PDE8A: variants seen among roughly 807,000 people sequenced by gnomAD.
PDE8A encodes the protein high affinity cAMP-specific and IBMX-insensitive 3',5'-cyclic phosphodiesterase 8A.
Under a neutral mutation model 105.0 loss-of-function variants are expected in PDE8A, and 59 were observed. The observed-to-expected ratio is 0.56, with a 90% CI of 0.46 to 0.70. The LOEUF (loss-of-function observed/expected upper bound fraction) is 0.70, where lower values mean the gene tolerates loss of function less well. Ranked by LOEUF, PDE8A falls within the 30% of genes least tolerant of loss-of-function variation. The pLI, the probability that PDE8A is intolerant of heterozygous loss-of-function variation, is 0.00. For synonymous variants in PDE8A, 355 were observed against 371.9 expected, an observed-to-expected ratio of 0.95 and a Z score of 0.52; for missense variants, 1,014 against 1,045.9, an observed-to-expected ratio of 0.97 and a Z score of 0.42.
At chr15:85,102,078 G>A (rs933052953) in intron 11 of PDE8A, among the ~76,000 whole-genome samples, 2 of 152,180 alleles carry the variant, frequency 1.3e-5, no homozygotes, top group East Asian at 1.9e-4. Context: ...TGGAAACCAG[G>A]GATGGTAAAG....
chr15:85,104,954 G>A (rs1405782063), intron 11 of PDE8A, among the ~76,000 whole-genome samples: 1 of 152,078 alleles, frequency 6.6e-6, no homozygotes, highest in African/African-American at 2.4e-5. Flanking sequence ...TGCAAGATAT[G>A]TTTCTATCTG....
Position 85,066,994 on chromosome 15 carries a change from T to TAAGAA in PDE8A, c.244-20_244-19insAAGAA. ...CTAACATCTTTTTTTAAAAAAAGTGTTTGTGCTCTTTTGATTCAGGTACTT... is the reference window on the plus strand; with the variant it reads ...CTAACATCTTTTTTTAAAAAAAGTGTAAGAATTGTGCTCTTTTGATTCAGGTACTT... On this transcript the variant is annotated intron_variant, in intron 2 of 21. Coordinates refer to ENST00000394553, the MANE Select transcript of PDE8A (RefSeq NM_002605.3). The TAAGAA allele has an allele frequency of 6.5e-7, 1 of 1,534,128 alleles. No homozygotes were observed. The highest frequency in any genetic ancestry group is 8.9e-7 in the Non-Finnish European group (1 of 1,129,018).
At chr15:85,089,063 T>A (rs2081598350) in intron 6 of PDE8A, among the ~76,000 whole-genome samples, 1 of 152,136 alleles carries the variant, frequency 6.6e-6, no homozygotes, top group Non-Finnish European at 1.5e-5. Flanking sequence ...CCACAGCTGC[T>A]GAAGAGCTGT....
chr15:85,056,065 T>C (rs1324006761), intron 1 of PDE8A, among the ~76,000 whole-genome samples: 4 of 152,156 alleles, frequency 2.6e-5, no homozygotes, highest in Non-Finnish European at 4.4e-5. Context: ...CCTTCACTTA[T>C]GAAGCTTAGT....
In PDE8A at chr15:84,982,249, C is replaced by T. The variant is rs773286148; in HGVS notation, c.87C>T (p.Gly29=). The change falls in exon 1 of 22, where the codon GGC becomes GGT. Residue 29 remains glycine, a synonymous_variant. Coordinates refer to ENST00000394553, the MANE Select transcript of PDE8A (RefSeq NM_002605.3). ...CCGCGGCACCGCCGCTGTCGTCCGGCGGGCCGCGCCTCCCGCAGGGCCAGA... is the reference window on the plus strand; with the variant it reads ...CCGCGGCACCGCCGCTGTCGTCCGGTGGGCCGCGCCTCCCGCAGGGCCAGA... ...PSPAAPPLSS[G]GPRLPQGQKT... The T allele has an allele frequency of 2.1e-6, 3 of 1,457,940 alleles. No individual in the cohort carries two copies. The highest frequency in any genetic ancestry group is 2.7e-5 in the South Asian group (2 of 75,410). 90.3% of individuals were successfully genotyped at this position (1,457,940 alleles called of 1,614,324 possible).
intron 19 of PDE8A, among the ~76,000 whole-genome samples, chr15:85,123,994 C>A (rs2082222787): frequency 6.6e-6 from 1 of 152,162 alleles, no homozygotes; most frequent in Non-Finnish European, 1.5e-5. Flanking sequence ...ATCTTTCTAG[C>A]CACTCCCACT....
chr15:85,033,689 A>G (rs2080653931), intron 1 of PDE8A, among the ~76,000 whole-genome samples: 1 of 151,616 alleles, frequency 6.6e-6, no homozygotes, highest in Non-Finnish European at 1.5e-5. Context: ...ATATGGTGAA[A>G]CCCCGTCTCT....
chr15:85,019,943 G>GTTTTTTTTTTTTTTT (rs201634002), intron 1 of PDE8A, among the ~76,000 whole-genome samples: 5 of 64,760 alleles, frequency 7.7e-5, no homozygotes, highest in East Asian at 5.8e-4. Context: ...TTTTTTTTTG[G>GTTTTTTTTTTTTTTT]TTTTTTTTTT....
intron 1 of PDE8A, among the ~76,000 whole-genome samples, chr15:85,060,453 T>C (rs922172382): frequency 1.3e-5 from 2 of 152,164 alleles, no homozygotes. Flanking sequence ...AAATAAAACA[T>C]GTAAAATAAT....
intron 1 of PDE8A, among the ~76,000 whole-genome samples, chr15:85,057,614 G>A (rs530094291): frequency 4.6e-5 from 7 of 152,304 alleles, no homozygotes; most frequent in South Asian, 2.1e-4. Context: ...CTTCCATGTC[G>A]CGCACGCTGG....
intron 3 of PDE8A, among the ~76,000 whole-genome samples, chr15:85,073,955 T>C (rs1161405552): frequency 1.3e-5 from 2 of 152,160 alleles, no homozygotes; most frequent in African/African-American, 4.8e-5. Context: ...TGAGGTGGCG[T>C]GTCTGCAAGG....
At chr15:85,103,262 G>A (rs1017555278) in intron 11 of PDE8A, among the ~76,000 whole-genome samples, 4 of 152,264 alleles carry the variant, frequency 2.6e-5, no homozygotes, top group South Asian at 2.1e-4. Context: ...TTGGGCAGCC[G>A]GGATATGGCA....
chr15:85,054,269 C>T (rs1426762283), intron 1 of PDE8A, among the ~76,000 whole-genome samples: 1 of 152,158 alleles, frequency 6.6e-6, no homozygotes, highest in African/African-American at 2.4e-5. Context: ...GGATATTGGT[C>T]TAAAATTCTC....
At chr15:85,032,790 G>A (rs1277784334) in intron 1 of PDE8A, among the ~76,000 whole-genome samples, 1 of 152,162 alleles carries the variant, frequency 6.6e-6, no homozygotes, top group African/African-American at 2.4e-5. Flanking sequence ...CAAAGAATAT[G>A]TGCTTATGTT....
chr15:85,069,173 TAATC>T (rs1796096012), intron 3 of PDE8A, among the ~76,000 whole-genome samples: 1 of 152,258 alleles, frequency 6.6e-6, no homozygotes, highest in Non-Finnish European at 1.5e-5. Flanking sequence ...GCACTATAGT[TAATC>T]AGAGTTCTTT....
At chr15:85,118,149 G>A (rs1227974078) in intron 17 of PDE8A, among the ~76,000 whole-genome samples, 1 of 152,152 alleles carries the variant, frequency 6.6e-6, no homozygotes, top group East Asian at 1.9e-4. Context: ...CACTAGTAGA[G>A]CCAAGTAACT....
At chr15:85,041,013 C>T (rs1190851158) in intron 1 of PDE8A, among the ~76,000 whole-genome samples, 2 of 152,124 alleles carry the variant, frequency 1.3e-5, no homozygotes, top group Non-Finnish European at 2.9e-5. Context: ...CCACACATAA[C>T]CCTAGACAGA....
rs918014622 is a variant in PDE8A at position 85,009,107 on chromosome 15, G to C, written c.186+26759G>C. 9.2e-4 allele frequency among the ~76,000 whole-genome samples: 23 copies of C among 25,054 alleles called. 1 individual carries two copies. The South Asian group carries it at 0.032, about 35-fold the overall frequency. 16.4% of individuals were successfully genotyped at this position (25,054 alleles called of 152,430 possible). On this transcript the variant is annotated intron_variant, in intron 1 of 21. Transcript: ENST00000394553. ...TTAGTGTGTGAGAGAGAGAGAGAGA[G>C]AGAGTGTGTGTGTGTGTGTGTGTGT...
intron 5 of PDE8A, among the ~76,000 whole-genome samples, chr15:85,080,997 A>G (rs2081456289): frequency 6.6e-6 from 1 of 152,232 alleles, no homozygotes; most frequent in African/African-American, 2.4e-5. Flanking sequence ...CAGTCCTCAG[A>G]GACCACTAAC....
Sources: gnomAD v4.1 joint callset for allele counts (sites outside exome capture counted in the v4.1 genomes callset) on GRCh38, gnomAD v4.1.1 for gene constraint, MANE v1.5 for transcripts, NCBI Gene and HGNC (gene_info 2026-07-23, HGNC 2026-07-21) for gene names.